Variants in ERC2 observed in about 807,000 individuals in gnomAD.
ERC2 encodes ELKS/RAB6-interacting/CAST family member 2, also known as ERC protein 2.
A neutral mutation model predicts 114.8 loss-of-function variants in ERC2; 42 were observed. The observed-to-expected ratio is 0.37, with a 90% CI of 0.29 to 0.47. The LOEUF (loss-of-function observed/expected upper bound fraction) is 0.47. Among genes scored for constraint, ERC2 ranks in the 20% least tolerant of loss-of-function variants. The pLI is 0.99. For synonymous variants in ERC2, 454 were observed against 425.5 expected (o/e 1.07, Z -0.82); for missense variants, 939 against 1,150.7 (o/e 0.82, Z 2.66).
intron 2 of ERC2, among the ~76,000 whole-genome samples, chr3:56,298,900 C>T (rs2055641028): frequency 6.6e-6 from 1 of 151,994 alleles, no homozygotes; most frequent in African/African-American, 2.4e-5. Context: ...TGAGGTGGGA[C>T]CATAAAGTAA....
chr3:56,144,582 T>C (rs1238468342), intron 5 of ERC2, among the ~76,000 whole-genome samples: 1 of 152,184 alleles, frequency 6.6e-6, no homozygotes, highest in African/African-American at 2.4e-5. Context: ...TCGGGTTTGG[T>C]GTATTGAGAG....
intron 14 of ERC2, among the ~76,000 whole-genome samples, chr3:55,739,598 G>GT (rs71096499): frequency 1 from 152,312 of 152,318 alleles, 76,153 homozygotes; most frequent in Middle Eastern, 1. Context: ...CCCACTTTTT[G>GT]TGGGGTTGTT....
At chr3:56,081,053 C>A in intron 6 of ERC2, 69 bp from the exon 7 acceptor site, 1 of 1,538,776 alleles carries the variant, frequency 6.5e-7, no homozygotes, top group Non-Finnish European at 8.8e-7. Context: ...CAATTGTGCC[C>A]TTTGAGGAGG....
At chr3:55,603,503 ACG>A (rs2058502486) in intron 17 of ERC2, among the ~76,000 whole-genome samples, 1 of 33,302 alleles carries the variant, frequency 3.0e-5, no homozygotes, top group Non-Finnish European at 1.1e-4. Flanking sequence ...GTGGTGGTGG[ACG>A]CCTGTAGTCC....
At chr3:55,969,176 C>T (rs2068970990) in intron 12 of ERC2, among the ~76,000 whole-genome samples, 1 of 152,136 alleles carries the variant, frequency 6.6e-6, no homozygotes, top group Admixed American at 6.5e-5. Flanking sequence ...CACTTCCAAA[C>T]AACTCTCCTG....
intron 14 of ERC2, among the ~76,000 whole-genome samples, chr3:55,848,279 A>G (rs2061445233): frequency 6.6e-6 from 1 of 152,066 alleles, no homozygotes; most frequent in South Asian, 2.1e-4. Context: ...TACTCACTCA[A>G]TAGGTATTTT....
intron 3 of ERC2, among the ~76,000 whole-genome samples, chr3:56,232,044 C>T (rs1300559838): frequency 2.0e-5 from 3 of 151,334 alleles, no homozygotes; most frequent in African/African-American, 7.3e-5. Context: ...GATCATAGCT[C>T]ACCATAGTCT....
At chr3:55,830,489 G>A (rs2060520981) in intron 14 of ERC2, among the ~76,000 whole-genome samples, 1 of 152,172 alleles carries the variant, frequency 6.6e-6, no homozygotes, top group African/African-American at 2.4e-5. Context: ...TGTCTTGGGA[G>A]GGGGTTTCAA....
intron 3 of ERC2, among the ~76,000 whole-genome samples, chr3:56,289,800 A>G (rs1431499593): frequency 6.6e-6 from 1 of 152,190 alleles, no homozygotes; most frequent in African/African-American, 2.4e-5. Context: ...CTCTCAGTGT[A>G]CCACCCCAAG....
At chr3:56,353,040 G>C (rs549702197) in intron 2 of ERC2, among the ~76,000 whole-genome samples, 1 of 152,212 alleles carries the variant, frequency 6.6e-6, no homozygotes, top group African/African-American at 2.4e-5. Flanking sequence ...CCTCAGGGCA[G>C]AGGATCACAA....
At chr3:56,075,820 G>A (rs2076942503) in intron 7 of ERC2, among the ~76,000 whole-genome samples, 1 of 152,186 alleles carries the variant, frequency 6.6e-6, no homozygotes, top group South Asian at 2.1e-4. Context: ...TAAACACTGA[G>A]AAAGAGCTCA....
Position 56,406,217 on chromosome 3 carries a change from T to C in ERC2, c.657+28134A>G, listed in dbSNP as rs924010840. Among the ~76,000 whole-genome samples, 3 of 152,226 alleles carry C rather than the reference T, an allele frequency of 2.0e-5. No homozygotes were observed. In the East Asian group the frequency reaches 5.8e-4, roughly 29 times the overall value. On this transcript the variant is annotated intron_variant, in intron 2 of 17. Coordinates refer to ENST00000288221, the MANE Select transcript of ERC2 (RefSeq NM_015576.3). ...CACGATATGAACATTTTTAAGACTT[T>C]TGATATACATTTGCCAATTTCATTC...
intron 2 of ERC2, among the ~76,000 whole-genome samples, chr3:56,416,485 A>G (rs2061160314): frequency 6.6e-6 from 1 of 152,056 alleles, no homozygotes; most frequent in African/African-American, 2.4e-5. Flanking sequence ...CCTTGTGAGA[A>G]GAGTATAAAA....
chr3:56,167,506 C>T (rs2082382945), intron 4 of ERC2, among the ~76,000 whole-genome samples: 1 of 152,092 alleles, frequency 6.6e-6, no homozygotes, highest in African/African-American at 2.4e-5. Flanking sequence ...TTCTAAGTGA[C>T]AACCATATAT....
rs529700744 is a variant in ERC2 at position 55,834,562 on chromosome 3, C to T, written c.2564+53827G>A. The stretch of plus-strand genomic sequence containing the variant: ...AAATAAAGATGTTCTTTGAAACCAA[C>T]GAGAACAAAGACACAACATACAAGA... On this transcript the variant is annotated intron_variant, in intron 14 of 17. Transcript: ENST00000288221. 6.4e-3 allele frequency among the ~76,000 whole-genome samples: 963 copies of T among 151,358 alleles called. 9 individuals are homozygous for T. Among genetic ancestry groups the T allele is most frequent in the African/African-American group, 0.023 (924 of 40,998 alleles).
intron 2 of ERC2, among the ~76,000 whole-genome samples, chr3:56,395,586 C>T (rs1576746937): frequency 6.6e-6 from 1 of 152,116 alleles, no homozygotes; most frequent in African/African-American, 2.4e-5. Context: ...GGCACCTCCT[C>T]CCCATTCTCT....
chr3:56,175,622 A>G (rs2082934575), intron 3 of ERC2, among the ~76,000 whole-genome samples: 1 of 152,118 alleles, frequency 6.6e-6, no homozygotes, highest in Admixed American at 6.5e-5. Flanking sequence ...ATGTGTGGTG[A>G]GTACAGTAGG....
At chr3:56,318,853 T>C (rs2056992404) in intron 2 of ERC2, among the ~76,000 whole-genome samples, 3 of 151,380 alleles carry the variant, frequency 2.0e-5, no homozygotes, top group Admixed American at 2.0e-4. Flanking sequence ...ATCCCAGCAC[T>C]TTGGAAGGCC....
At chr3:56,172,704 A>C (rs2082739961) in intron 4 of ERC2, among the ~76,000 whole-genome samples, 1 of 152,214 alleles carries the variant, frequency 6.6e-6, no homozygotes, top group African/African-American at 2.4e-5. Flanking sequence ...TACTATTTGC[A>C]TCCTTCTGGC....
Sources: gnomAD v4.1 joint callset for allele counts (sites outside exome capture counted in the v4.1 genomes callset) on GRCh38, gnomAD v4.1.1 for gene constraint, MANE v1.5 for transcripts, NCBI Gene and HGNC (gene_info 2026-07-23, HGNC 2026-07-21) for gene names.